The following VPS8 variants were observed in gnomAD, a reference collection of about 807,000 sequenced individuals.
VPS8 encodes the protein vacuolar protein sorting-associated protein 8 homolog.
In VPS8, 129 loss-of-function variants were observed where a neutral mutation model predicts 216.4. The ratio of observed to expected loss-of-function variants is 0.60; its 90% CI spans 0.52 to 0.69. The LOEUF (loss-of-function observed/expected upper bound fraction) is 0.69. Among genes scored for constraint, VPS8 ranks in the 30% least tolerant of loss-of-function variants. The pLI is 0.00. For missense variants in VPS8, 1,531 were observed against 1,683.5 expected, an observed-to-expected ratio of 0.91 and a Z score of 1.59; for synonymous variants, 571 against 565.4, an observed-to-expected ratio of 1.01 and a Z score of -0.14.
At chr3:184,941,270 C>CATTTAAATCTTGAATAGGCTGTGGTAT (rs1178558407) in intron 36 of VPS8, among the ~76,000 whole-genome samples, 3 of 151,998 alleles carry the variant, frequency 2.0e-5, no homozygotes, top group Non-Finnish European at 4.4e-5. Context: ...GGCTGTGGTA[C>CATTTAAATCTTGAATAGGCTGTGGTAT]ATTTAAATTT....
intron 45 of VPS8, among the ~76,000 whole-genome samples, chr3:185,009,807 G>A (rs1026340344): frequency 2.6e-5 from 4 of 151,986 alleles, no homozygotes; most frequent in East Asian, 1.9e-4. Context: ...TAGTCTCTCC[G>A]GGTCAAGGGG....
chr3:184,834,943 A>C (rs182601459), intron 5 of VPS8: 1 of 457,466 alleles, frequency 2.2e-6, no homozygotes, highest in South Asian at 4.5e-5. Context: ...CAGCCATGAA[A>C]ATAAAGTTCT....
At chr3:184,964,336 G>A (rs1747030178) in intron 37 of VPS8, 132 bp from the exon 38 acceptor site, 2 of 455,178 alleles carry the variant, frequency 4.4e-6, no homozygotes, top group Admixed American at 4.2e-5. Context: ...TTTGCATATT[G>A]TACTGTAAAA....
chr3:184,824,605 GGACT>G lies in VPS8; in HGVS notation c.-25_-22del, dbSNP rs1560266036. ...ACAAACAAAAAACACTTGCTTTGATGGACTGAATACTGTTATTAGAAGTAAATAT... is the reference window on the plus strand; with the variant it reads ...ACAAACAAAAAACACTTGCTTTGATGGAATACTGTTATTAGAAGTAAATAT... On this transcript the variant is annotated 5_prime_UTR_variant, in exon 2 of 48. An upstream open reading frame in the 5' UTR loses its in-frame stop. Transcript: ENST00000625842. The G allele has an allele frequency of 6.3e-7, 1 of 1,597,298 alleles. No homozygotes were observed. Among genetic ancestry groups the G allele is most frequent in the Non-Finnish European group, 8.5e-7 (1 of 1,170,036 alleles).
chr3:185,033,877 T>C (rs763782247), intron 46 of VPS8, among the ~76,000 whole-genome samples: 1 of 152,220 alleles, frequency 6.6e-6, no homozygotes, highest in Non-Finnish European at 1.5e-5. Flanking sequence ...CCTGATGATA[T>C]AGGATGTTGA....
intron 11 of VPS8, among the ~76,000 whole-genome samples, chr3:184,853,362 G>A (rs1724673966): frequency 1.3e-5 from 2 of 152,182 alleles, no homozygotes; most frequent in South Asian, 4.1e-4. Context: ...TTGTACTTGA[G>A]GATAATTCTG....
At chr3:184,941,352 C>G (rs1315909645) in intron 36 of VPS8, among the ~76,000 whole-genome samples, 1 of 148,128 alleles carries the variant, frequency 6.8e-6, no homozygotes, top group African/African-American at 2.5e-5. Context: ...CACTTGTGTT[C>G]AAGACCTTTT....
In VPS8 at chr3:184,935,005, A is replaced by G. The variant is rs1311279547; in HGVS notation, c.2899-1241A>G. 3.9e-5 allele frequency among the ~76,000 whole-genome samples: 6 copies of G among 152,186 alleles called. No individual in the cohort carries two copies. In the East Asian group the frequency reaches 1.2e-3, roughly 29 times the overall value. On this transcript the variant is annotated intron_variant, in intron 34 of 47. Transcript: ENST00000625842. ...AGTTTTTCATATGGAAAGTTTTTAA[A>G]CTACTCACTCAGTTATTTTAATGGT...
At chr3:184,842,538 A>C (rs1279892847) in intron 7 of VPS8, among the ~76,000 whole-genome samples, 1 of 152,204 alleles carries the variant, frequency 6.6e-6, no homozygotes, top group Non-Finnish European at 1.5e-5. Context: ...GTTTATAGGA[A>C]TCAGATGTTT....
intron 10 of VPS8, among the ~76,000 whole-genome samples, chr3:184,851,897 CTG>C (rs1724344913): frequency 6.6e-6 from 1 of 152,198 alleles, no homozygotes; most frequent in African/African-American, 2.4e-5. Flanking sequence ...TTAGGACTGT[CTG>C]TCATTGTGAA....
intron 3 of VPS8, among the ~76,000 whole-genome samples, chr3:184,827,082 C>G (rs1326257974): frequency 6.6e-6 from 1 of 152,190 alleles, no homozygotes; most frequent in Non-Finnish European, 1.5e-5. Context: ...TATTTCAAAT[C>G]CGCAGTTATG....
At chr3:184,928,379 G>T in intron 31 of VPS8, 72 bp from the exon 32 acceptor site, 2 of 1,341,338 alleles carry the variant, frequency 1.5e-6, no homozygotes, top group South Asian at 3.0e-5. Context: ...GTTATAGTCT[G>T]CATGGCTGAA....
At chr3:184,821,769 G>A (rs550981640) in intron 1 of VPS8, among the ~76,000 whole-genome samples, 1 of 152,156 alleles carries the variant, frequency 6.6e-6, no homozygotes, top group African/African-American at 2.4e-5. Context: ...TTAGGTGTGT[G>A]TTAAGTGAAT....
chr3:184,948,590 C>G (rs1744110561), intron 36 of VPS8, among the ~76,000 whole-genome samples: 1 of 152,106 alleles, frequency 6.6e-6, no homozygotes, highest in Non-Finnish European at 1.5e-5. Context: ...AAATCAGTGG[C>G]CAGCATAGTA....
chr3:184,868,258 G>C (rs79867036), intron 18 of VPS8, 199 bp downstream of exon 18: 18,652 of 533,802 alleles, frequency 0.035, 414 homozygotes, highest in Non-Finnish European at 0.045. Context: ...ACATATATTA[G>C]AAAATTCAAA....
chr3:185,016,207 C>G (rs9835513), intron 45 of VPS8, among the ~76,000 whole-genome samples: 137,515 of 152,206 alleles, frequency 0.9, 63,086 homozygotes, highest in Non-Finnish European at 0.98. Flanking sequence ...CCCTACGTAT[C>G]GTTACTTTCT....
chr3:185,030,181 G>A (rs1267854316), intron 46 of VPS8, among the ~76,000 whole-genome samples: 2 of 152,144 alleles, frequency 1.3e-5, no homozygotes. Flanking sequence ...AACGTTTAAG[G>A]TACATCAGGA....
Position 184,894,737 on chromosome 3 carries a change from A to G in VPS8, c.1816A>G (p.Ser606Gly). Residue 606 changes from serine to glycine, a missense_variant, in exon 23 of 48, where the codon AGT becomes GGT. Coordinates refer to ENST00000625842, the MANE Select transcript of VPS8 (RefSeq NM_001009921.3). ...LLFSQMYDKL[S>G]ENSVAKGVFL... ...ATTTAGTCAGATGTATGATAAATTAAGTGAGAATTCAGTGGCCAAAGGAGT... is the reference window on the plus strand; with the variant it reads ...ATTTAGTCAGATGTATGATAAATTAGGTGAGAATTCAGTGGCCAAAGGAGT... The G allele has an allele frequency of 1.2e-6, 2 of 1,607,120 alleles. No individual in the cohort carries two copies. The highest frequency in any genetic ancestry group is 1.7e-6 in the Non-Finnish European group (2 of 1,176,286).
intron 46 of VPS8, among the ~76,000 whole-genome samples, chr3:185,029,442 G>A (rs1159132394): frequency 1.3e-5 from 2 of 152,170 alleles, no homozygotes; most frequent in Non-Finnish European, 2.9e-5. Context: ...GTCATGTTCT[G>A]TAGGACTCAG....
Sources: allele counts gnomAD v4.1 joint callset (sites outside exome capture counted in the v4.1 genomes callset), GRCh38; gene constraint gnomAD v4.1.1; transcripts MANE v1.5; gene names NCBI Gene and HGNC (gene_info 2026-07-23, HGNC 2026-07-21).